The following PI4KA variants were observed in gnomAD, a reference collection of about 807,000 sequenced individuals.
PI4KA encodes PI4-kinase alpha.
Under a neutral mutation model 271.4 loss-of-function variants are expected in PI4KA, and 122 were observed. That is an observed-to-expected ratio of 0.45 (90% confidence interval 0.39 to 0.52). PI4KA has a LOEUF of 0.52. Among genes scored for constraint, PI4KA ranks in the 20% least tolerant of loss-of-function variants. The probability of loss-of-function intolerance (pLI) is 0.00; values close to 1 mark genes in which losing one functional copy is unlikely to be tolerated. For synonymous variants in PI4KA, 1,041 were observed against 1,078.8 expected, an observed-to-expected ratio of 0.96 and a Z score of 0.69; for missense variants, 1,969 against 2,769.1, an observed-to-expected ratio of 0.71 and a Z score of 6.48.
intron 3 of PI4KA, among the ~76,000 whole-genome samples, chr22:20,827,185 G>A (rs1923533413): frequency 6.6e-6 from 1 of 152,136 alleles, no homozygotes; most frequent in Admixed American, 6.6e-5. Flanking sequence ...TATAGTTTAA[G>A]GTTTTACATC....
chr22:20,753,291 C>T, intron 23 of PI4KA, 111 bp from the exon 24 acceptor site: 1 of 961,864 alleles, frequency 1.0e-6, no homozygotes, highest in Non-Finnish European at 1.6e-6. Context: ...GTGGCAAAGA[C>T]AGCACAGAGC....
intron 35 of PI4KA, 102 bp downstream of exon 35, chr22:20,733,634 C>T (rs371540111): frequency 6.3e-7 from 1 of 1,590,482 alleles, no homozygotes; most frequent in East Asian, 2.3e-5. Context: ...AACTGGGCAA[C>T]TGTGTATTCC....
chr22:20,767,422 C>T (rs1323808545), intron 19 of PI4KA, among the ~76,000 whole-genome samples: 1 of 150,180 alleles, frequency 6.7e-6, no homozygotes. Flanking sequence ...CTAGCCTGGG[C>T]GACAGAGCAA....
At chr22:20,769,045 G>A (rs1046177962) in intron 19 of PI4KA, among the ~76,000 whole-genome samples, 5 of 152,180 alleles carry the variant, frequency 3.3e-5, no homozygotes, top group Non-Finnish European at 7.4e-5. Flanking sequence ...GTGGCTAAGA[G>A]GTTCTGGTAC....
chr22:20,741,237 A>G (rs961671108), intron 32 of PI4KA, among the ~76,000 whole-genome samples: 1 of 152,218 alleles, frequency 6.6e-6, no homozygotes, highest in African/African-American at 2.4e-5. Context: ...GGCAAGAACT[A>G]TAACTGATGT....
intron 52 of PI4KA, 90 bp from the exon 53 acceptor site, chr22:20,710,087 C>G: frequency 2.7e-6 from 2 of 731,746 alleles, no homozygotes; most frequent in Non-Finnish European, 5.0e-6. Flanking sequence ...TGCCAACAGC[C>G]TCAGGTGTGG....
At chr22:20,779,469 C>G (rs1159393418) in intron 19 of PI4KA, 2 of 1,614,172 alleles carry the variant, frequency 1.2e-6, no homozygotes, top group Non-Finnish European at 1.7e-6. Context: ...CCTGAGCATG[C>G]CTCTTCTCCC....
intron 19 of PI4KA, among the ~76,000 whole-genome samples, chr22:20,778,875 G>A (rs968222598): frequency 2.0e-5 from 3 of 152,104 alleles, no homozygotes; most frequent in African/African-American, 7.2e-5. Flanking sequence ...GAGAGCCTTC[G>A]CTTTACTGCA....
intron 27 of PI4KA, among the ~76,000 whole-genome samples, chr22:20,750,949 T>A (rs369080771): frequency 1.3e-5 from 2 of 152,188 alleles, no homozygotes; most frequent in African/African-American, 4.8e-5. Context: ...AGAAGTGAAG[T>A]CCACCTGAAA....
At position 20,792,173 on chromosome 22, in the gene PI4KA, C is replaced by T. The variant is rs984637679; in HGVS notation, c.2328+1020G>A. ...ATAACATGCGACATATGACATTTTACTACTAAAGATAAATAATGGCAAACC... is the reference window on the plus strand; with the variant it reads ...ATAACATGCGACATATGACATTTTATTACTAAAGATAAATAATGGCAAACC... On this transcript the variant is annotated intron_variant, in intron 19 of 54. Coordinates refer to ENST00000255882, the MANE Select transcript of PI4KA (RefSeq NM_058004.4). Among the ~76,000 whole-genome samples the T allele has an allele frequency of 2.0e-5, 3 of 151,842 alleles. No homozygotes were observed. In the East Asian group the frequency reaches 5.8e-4, roughly 29 times the overall value.
intron 19 of PI4KA, among the ~76,000 whole-genome samples, chr22:20,792,977 G>C (rs1186563257): frequency 6.6e-6 from 1 of 152,170 alleles, no homozygotes; most frequent in Non-Finnish European, 1.5e-5. Flanking sequence ...AGGGGGTTCG[G>C]GCAGGTCATG....
chr22:20,824,584 T>C (rs1923135534), intron 3 of PI4KA, among the ~76,000 whole-genome samples, 170 bp from the exon 4 acceptor site: 1 of 152,102 alleles, frequency 6.6e-6, no homozygotes. Context: ...GCCCAATGAG[T>C]TTGCTGAGAA....
chr22:20,805,147 A>C lies in PI4KA; in HGVS notation c.1187T>G (p.Val396Gly). The C allele has an allele frequency of 6.2e-7, 1 of 1,613,790 alleles. No individual in the cohort carries two copies. Among genetic ancestry groups the C allele is most frequent in the Non-Finnish European group, 8.5e-7 (1 of 1,179,824 alleles). The change falls in exon 11 of 55, where the codon GTG becomes GGG. Residue 396 changes from valine to glycine, a missense_variant. Physicochemically the swap from Val to Gly is moderately radical, Grantham distance 109. Coordinates refer to ENST00000255882, the MANE Select transcript of PI4KA (RefSeq NM_058004.4). ...YYMKDLPTSF[V>G]KEIHDFVLEQ... ...CAGCACAAAATCATGGATCTCCTTC[A>C]CAAAAGAGGTCGGGAGGTCTGTAGG...
chr22:20,780,133 T>C (rs1446509305), intron 19 of PI4KA: 3 of 1,614,188 alleles, frequency 1.9e-6, no homozygotes, highest in Non-Finnish European at 8.5e-7. Context: ...AAGGGCCTCA[T>C]AAAAGATGCT....
At chr22:20,725,051 A>C (rs1927187486) in intron 42 of PI4KA, among the ~76,000 whole-genome samples, 1 of 152,198 alleles carries the variant, frequency 6.6e-6, no homozygotes, top group Non-Finnish European at 1.5e-5. Flanking sequence ...TCAGTCTTTC[A>C]GCAGAGGCTG....
chr22:20,810,170 T>C (rs1350656859), intron 9 of PI4KA, among the ~76,000 whole-genome samples: 2 of 152,070 alleles, frequency 1.3e-5, no homozygotes, highest in African/African-American at 4.8e-5. Flanking sequence ...AATGTAATGA[T>C]TTCATAAATA....
chr22:20,746,158 G>A (rs1930070815), intron 29 of PI4KA, among the ~76,000 whole-genome samples: 1 of 148,760 alleles, frequency 6.7e-6, no homozygotes, highest in Non-Finnish European at 1.5e-5. Flanking sequence ...CGCCTCCCGG[G>A]TTCACACCAT....
At chr22:20,729,540 C>A (rs1927760915) in intron 38 of PI4KA, 34 bp from the exon 39 acceptor site, 2 of 1,555,178 alleles carry the variant, frequency 1.3e-6, no homozygotes. Flanking sequence ...TGATATGCAC[C>A]CCTTCTGTGA....
Position 20,858,671 on chromosome 22 carries a change from A to AGCG in PI4KA, c.54_55insCGC (p.Gly18_Cys19insArg), listed in dbSNP as rs1555912603. The AGCG allele has an allele frequency of 6.8e-7, 1 of 1,469,592 alleles. No homozygotes were observed. The highest frequency in any genetic ancestry group is 2.9e-5 in the East Asian group (1 of 34,132). 91.0% of individuals were successfully genotyped at this position (1,469,592 alleles called of 1,614,324 possible). On this transcript the variant is annotated inframe_insertion, in exon 1 of 55. Coordinates refer to ENST00000255882, the MANE Select transcript of PI4KA (RefSeq NM_058004.4). The stretch of plus-strand genomic sequence containing the variant: ...GAGGCGCTGGAGCCGGAGCCGGAGC[A>AGCG]GCCGCCGCCGCCTCCGCCTCCGCCT...
Sources: allele counts gnomAD v4.1 joint callset (sites outside exome capture counted in the v4.1 genomes callset), GRCh38; gene constraint gnomAD v4.1.1; transcripts MANE v1.5; gene names NCBI Gene and HGNC (gene_info 2026-07-23, HGNC 2026-07-21).